ARHGEF3: variants seen among roughly 807,000 people sequenced by gnomAD.
ARHGEF3 encodes the protein Rho guanine nucleotide exchange factor 3, also known as 59.8 kDA protein.
A neutral mutation model predicts 63.2 loss-of-function variants in ARHGEF3; 28 were observed. The ratio of observed to expected loss-of-function variants is 0.44; its 90% CI spans 0.33 to 0.61. The LOEUF (loss-of-function observed/expected upper bound fraction) is 0.61, where lower values mean the gene tolerates loss of function less well. ARHGEF3 is among the 20% of genes least tolerant of loss of function. ARHGEF3 has a pLI of 0.03. For missense variants in ARHGEF3, 533 were observed against 659.3 expected (o/e 0.81, Z 2.10); for synonymous variants, 266 against 254.2 (o/e 1.05, Z -0.44).
At chr3:56,763,686 C>T (rs79574906) in intron 2 of ARHGEF3, among the ~76,000 whole-genome samples, 1,749 of 152,166 alleles carry the variant, frequency 0.011, 66 homozygotes, top group East Asian at 0.11. Context: ...GGTGGGACTA[C>T]GGATAATTTT....
chr3:56,776,713 A>G (rs1301705728), intron 1 of ARHGEF3, among the ~76,000 whole-genome samples: 4 of 152,204 alleles, frequency 2.6e-5, no homozygotes, highest in Admixed American at 1.3e-4. Flanking sequence ...AGAACTAGCA[A>G]ATGCAATCGT....
intron 2 of ARHGEF3, among the ~76,000 whole-genome samples, chr3:56,987,870 C>T (rs2106934748): frequency 6.6e-6 from 1 of 152,276 alleles, no homozygotes; most frequent in Middle Eastern, 3.4e-3. Flanking sequence ...TTAACACATT[C>T]AAAACTAAAA....
intron 2 of ARHGEF3, among the ~76,000 whole-genome samples, chr3:56,992,022 CTCTGTG>C (rs1701766250): frequency 1.4e-5 from 1 of 71,102 alleles, no homozygotes; most frequent in African/African-American, 6.9e-5. Context: ...CCCCTCCTCT[CTCTGTG>C]TGTGTGTGTG....
intron 4 of ARHGEF3, among the ~76,000 whole-genome samples, chr3:56,872,634 C>T (rs868053584): frequency 1.3e-5 from 2 of 151,930 alleles, no homozygotes; most frequent in African/African-American, 2.4e-5. Context: ...CTCAGCCTCC[C>T]GAGTATCTGG....
intron 2 of ARHGEF3, among the ~76,000 whole-genome samples, chr3:56,756,451 T>C (rs892597538): frequency 6.6e-6 from 1 of 152,072 alleles, no homozygotes; most frequent in Non-Finnish European, 1.5e-5. Flanking sequence ...AGGCTATCTG[T>C]CATTCCCTAA....
intron 1 of ARHGEF3, among the ~76,000 whole-genome samples, chr3:56,792,921 A>G (rs765395347): frequency 7.3e-5 from 11 of 151,416 alleles, no homozygotes; most frequent in Non-Finnish European, 1.5e-4. Flanking sequence ...CCAAAGTGCT[A>G]TGATTACAGG....
At chr3:56,855,997 G>C (rs2039864943) in intron 4 of ARHGEF3, among the ~76,000 whole-genome samples, 1 of 152,174 alleles carries the variant, frequency 6.6e-6, no homozygotes, top group Non-Finnish European at 1.5e-5. Flanking sequence ...TCTTTTCCTG[G>C]TTGTGACATT....
At chr3:57,019,895 A>ATGAT (rs71874930) in intron 2 of ARHGEF3, among the ~76,000 whole-genome samples, 4,687 of 152,082 alleles carry the variant, frequency 0.031, 277 homozygotes, top group African/African-American at 0.11. Flanking sequence ...ATCTATTTTC[A>ATGAT]TGATTGATTG....
rs546755421 is a variant in ARHGEF3, at chr3:56,733,059, G to A, written c.1042-635C>T. On this transcript the variant is annotated intron_variant, in intron 8 of 9. Coordinates refer to ENST00000296315, the MANE Select transcript of ARHGEF3 (RefSeq NM_019555.3). ...AGCACTTTGGGAGGCTGAGGCGGGCGGATCACCAGGTCAGGAGATACAGAC... is the reference window on the plus strand; with the variant it reads ...AGCACTTTGGGAGGCTGAGGCGGGCAGATCACCAGGTCAGGAGATACAGAC... Among the ~76,000 whole-genome samples the A allele has an allele frequency of 1.4e-3, 210 of 152,048 alleles. 2 individuals are homozygous for A. Among genetic ancestry groups the A allele is most frequent in the Non-Finnish European group, 6.9e-4 (47 of 67,976 alleles).
intron 9 of ARHGEF3, chr3:56,731,578 T>G (rs1180079947): frequency 6.6e-6 from 1 of 151,822 alleles, no homozygotes; most frequent in Non-Finnish European, 1.5e-5. Flanking sequence ...TTGCTATCCC[T>G]TCCTATTCCC....
intron 4 of ARHGEF3, among the ~76,000 whole-genome samples, chr3:56,809,432 T>G (rs941460853): frequency 1.8e-4 from 28 of 152,212 alleles, no homozygotes; most frequent in African/African-American, 6.8e-4. Flanking sequence ...AGTGATTAAA[T>G]GAAAACCCTA....
At chr3:56,924,056 T>C (rs1481995096) in intron 3 of ARHGEF3, among the ~76,000 whole-genome samples, 2 of 152,032 alleles carry the variant, frequency 1.3e-5, no homozygotes, top group African/African-American at 4.8e-5. Flanking sequence ...ACAATAAACT[T>C]TGCAACAAAA....
chr3:56,758,363 G>A (rs970861201), intron 2 of ARHGEF3, among the ~76,000 whole-genome samples: 2 of 151,826 alleles, frequency 1.3e-5, no homozygotes, highest in Non-Finnish European at 2.9e-5. Flanking sequence ...GCCAAGGCAG[G>A]CGGATGGCTT....
At chr3:56,818,768 T>A (rs993964834) in intron 4 of ARHGEF3, among the ~76,000 whole-genome samples, 12 of 152,196 alleles carry the variant, frequency 7.9e-5, no homozygotes, top group African/African-American at 2.2e-4. Context: ...AGGTGAACTG[T>A]CTGGCTGATA....
chr3:57,023,472 A>T (rs1034967567), intron 2 of ARHGEF3, among the ~76,000 whole-genome samples: 11 of 152,144 alleles, frequency 7.2e-5, no homozygotes, highest in African/African-American at 2.7e-4. Flanking sequence ...CTAGCCAGAG[A>T]TCTTTTCTCA....
intron 4 of ARHGEF3, among the ~76,000 whole-genome samples, chr3:56,859,113 A>G (rs2039981169): frequency 6.6e-6 from 1 of 152,168 alleles, no homozygotes; most frequent in Non-Finnish European, 1.5e-5. Flanking sequence ...TAGAGTTACC[A>G]GCTTATAGTG....
chr3:56,882,264 C>A, intron 4 of ARHGEF3: 1 of 1,542,656 alleles, frequency 6.5e-7, no homozygotes, highest in South Asian at 1.2e-5. Context: ...CTCTCGGTGC[C>A]AGTGGGGGAA....
At chr3:57,024,622 G>A (rs2107177703) in intron 2 of ARHGEF3, among the ~76,000 whole-genome samples, 1 of 152,164 alleles carries the variant, frequency 6.6e-6, no homozygotes, top group South Asian at 2.1e-4. Context: ...CAAGTAGCTG[G>A]GACTACAGGC....
intron 3 of ARHGEF3, among the ~76,000 whole-genome samples, chr3:56,883,046 T>A (rs149600765): frequency 6.6e-6 from 1 of 152,346 alleles, no homozygotes; most frequent in Non-Finnish European, 1.5e-5. Context: ...CTAATTCACT[T>A]GAAGATATTC....
Sources: gnomAD v4.1 joint callset for allele counts (sites outside exome capture counted in the v4.1 genomes callset) on GRCh38, gnomAD v4.1.1 for gene constraint, MANE v1.5 for transcripts, NCBI Gene and HGNC (gene_info 2026-07-23, HGNC 2026-07-21) for gene names.